ABCA1: variants seen among roughly 807,000 people sequenced by gnomAD.
The protein encoded by ABCA1 is phospholipid-transporting ATPase ABCA1.
A neutral mutation model predicts 262.5 loss-of-function variants in ABCA1; 133 were observed. The observed-to-expected ratio is 0.51, with a 90% confidence interval of 0.44 to 0.59. The LOEUF is 0.59. Ranked by LOEUF, ABCA1 falls within the 20% of genes least tolerant of loss-of-function variation. The probability of loss-of-function intolerance (pLI) is 0.00; values close to 1 mark genes in which losing one functional copy is unlikely to be tolerated. For synonymous variants in ABCA1, 1,022 were observed against 1,043.5 expected (o/e 0.98, Z 0.40); for missense variants, 2,452 against 2,777.5 (o/e 0.88, Z 2.63).
At position 104,785,296 on chromosome 9, in the gene ABCA1, C is replaced by T. The variant is rs117745266; in HGVS notation, c.6645+100G>A. The T allele has an allele frequency of 6.9e-3, 10,228 of 1,487,266 alleles. 71 individuals carry two copies. The highest frequency in any genetic ancestry group is 8.0e-3 in the Non-Finnish European group (8,618 of 1,081,004). 92.1% of individuals were successfully genotyped at this position (1,487,266 alleles called of 1,614,324 possible). On this transcript the variant is annotated intron_variant, in intron 49 of 49. Transcript: ENST00000374736. ...GAATAGTAGATCAGGAATTCAAGCACCAATTCAAGATACAAACTGCTCTTG... is the reference window on the plus strand; with the variant it reads ...GAATAGTAGATCAGGAATTCAAGCATCAATTCAAGATACAAACTGCTCTTG...
intron 3 of ABCA1, among the ~76,000 whole-genome samples, chr9:104,886,479 C>G (rs1343034544): frequency 2.6e-5 from 4 of 152,142 alleles, no homozygotes; most frequent in Admixed American, 2.6e-4. Flanking sequence ...GTTAATAGTT[C>G]AAGGAAAACC....
chr9:104,840,624 C>A (rs1475519952), intron 8 of ABCA1, 105 bp from the exon 9 acceptor site: 21 of 1,176,528 alleles, frequency 1.8e-5, no homozygotes, highest in African/African-American at 3.1e-5. Context: ...TTCTTGACCT[C>A]TCAAAAGCCA....
intron 25 of ABCA1, 138 bp from the exon 26 acceptor site, chr9:104,814,613 C>T (rs1200595232): frequency 2.2e-6 from 2 of 905,986 alleles, no homozygotes; most frequent in Non-Finnish European, 3.6e-6. Flanking sequence ...CTTAATAACA[C>T]TTTCTCAGAG....
In ABCA1 at chr9:104,782,270, T is replaced by C. The variant is rs996617630; in HGVS notation, c.*2045A>G. Reference sequence around the variant, plus strand: ...ATTGGAAATATGCCTTCATTACTTATATTTAAAATCAATATTGACTTTAAC... The same window carrying C: ...ATTGGAAATATGCCTTCATTACTTACATTTAAAATCAATATTGACTTTAAC... On this transcript the variant is annotated 3_prime_UTR_variant, in exon 50 of 50. Coordinates refer to ENST00000374736, the MANE Select transcript of ABCA1 (RefSeq NM_005502.4). 6.6e-6 allele frequency: 1 copy of C among 152,164 alleles called. No individual in the cohort carries two copies. The highest frequency in any genetic ancestry group is 1.5e-5 in the Non-Finnish European group (1 of 67,972). The allele number at this position is 152,164 out of a possible 1,614,324, so 9.4% of individuals were successfully genotyped here. A position where few individuals can be genotyped will look rare whatever the true frequency, so the allele number is the denominator to read the frequency against.
intron 34 of ABCA1, among the ~76,000 whole-genome samples, chr9:104,801,439 C>A (rs1830328083): frequency 6.6e-6 from 1 of 152,084 alleles, no homozygotes; most frequent in Non-Finnish European, 1.5e-5. Context: ...CCAGGCTGGT[C>A]TCAAACTCCT....
In ABCA1 at chr9:104,821,327, C is replaced by T. The variant is rs762402082; in HGVS notation, c.2960+48G>A. ...CCACTCCTCCCATGATGGCATGACACACACACATCCAGAAAAGGCCTATTC... is the reference window on the plus strand; with the variant it reads ...CCACTCCTCCCATGATGGCATGACATACACACATCCAGAAAAGGCCTATTC... On this transcript the variant is annotated intron_variant, in intron 20 of 49. Coordinates refer to ENST00000374736, the MANE Select transcript of ABCA1 (RefSeq NM_005502.4). 8 of 1,607,616 alleles carry T rather than the reference C, an allele frequency of 5.0e-6. No homozygotes were observed. The Admixed American group carries it at 1.3e-4, about 27-fold the overall frequency.
At position 104,858,603 on chromosome 9, in the gene ABCA1, C is replaced by G. The variant is rs1836057571; in HGVS notation, c.639G>C (p.Glu213Asp). Residue 213 changes from glutamate to aspartate, a missense_variant, in exon 7 of 50, where the codon GAG becomes GAC. Glu to Asp is a conservative substitution (Grantham distance 45). Around this residue, in one of 4 missense-constraint regions of ABCA1, gnomAD observed 1,032 missense variants for 1,089.7 expected, o/e 0.95. Coordinates refer to ENST00000374736, the MANE Select transcript of ABCA1 (RefSeq NM_005502.4). ...GTTTCTCCCTTGGTAGGCCACAAAG[C>G]TCAGAAACTTCTTGGTCACCAAGTT... Reference protein sequence around the residue: ...MIQLGDQEVSELCGLPREKLA... With the variant: ...MIQLGDQEVSDLCGLPREKLA... 6.2e-7 allele frequency: 1 copy of G among 1,614,216 alleles called. No homozygotes were observed.
rs1839472862 is a variant in ABCA1, at chr9:104,889,092, A to G, written c.160+10T>C. 2 of 1,611,696 alleles carry G rather than the reference A, an allele frequency of 1.2e-6. No individual in the cohort carries two copies. Among genetic ancestry groups the G allele is most frequent in the South Asian group, 1.1e-5 (1 of 91,034 alleles). ...TTGGTGAGTCTCAGGCAACATCCAC[A>G]GTTACTTACATTCATGTTGTTCATA... is the stretch of plus-strand genomic sequence containing the variant. On this transcript the variant is annotated intron_variant, in intron 3 of 49. Transcript: ENST00000374736.
intron 19 of ABCA1, among the ~76,000 whole-genome samples, chr9:104,822,228 G>C (rs1055373070): frequency 1.3e-5 from 2 of 152,208 alleles, no homozygotes; most frequent in African/African-American, 4.8e-5. Context: ...TTTCGTGGCT[G>C]CAGGTTCCAA....
intron 34 of ABCA1, 39 bp downstream of exon 34, chr9:104,802,015 T>C (rs1427885868): frequency 1.3e-6 from 2 of 1,581,850 alleles, no homozygotes; most frequent in Non-Finnish European, 8.7e-7. Flanking sequence ...AGCAGCTACA[T>C]GCCCATTTTT....
At chr9:104,860,969 T>C (rs1018691374) in intron 6 of ABCA1, among the ~76,000 whole-genome samples, 12 of 152,124 alleles carry the variant, frequency 7.9e-5, no homozygotes, top group African/African-American at 2.9e-4. Context: ...TTGGCCAGGA[T>C]GGTCTCGAAC....
At chr9:104,819,555 C>CATTTACTCAGAATAA in intron 22 of ABCA1, 31 bp downstream of exon 22, 1 of 1,613,826 alleles carries the variant, frequency 6.2e-7, no homozygotes, top group Non-Finnish European at 8.5e-7. Context: ...TCTCTCAGTC[C>CATTTACTCAGAATAA]ATTTACTCAG....
intron 34 of ABCA1, among the ~76,000 whole-genome samples, chr9:104,801,327 C>G (rs1486245367): frequency 6.6e-6 from 1 of 151,902 alleles, no homozygotes; most frequent in East Asian, 1.9e-4. Context: ...TCAAGTAATT[C>G]TCTCACCTCA....
intron 6 of ABCA1, 38 bp from the exon 7 acceptor site, chr9:104,858,736 G>A (rs1836068066): frequency 6.2e-7 from 1 of 1,609,672 alleles, no homozygotes; most frequent in African/African-American, 1.3e-5. Flanking sequence ...AAGCACAAGA[G>A]GATTATGAAG....
chr9:104,820,857 T>C (rs1753226496), intron 20 of ABCA1, among the ~76,000 whole-genome samples: 1 of 152,104 alleles, frequency 6.6e-6, no homozygotes, highest in African/African-American at 2.4e-5. Context: ...TGATGTCACC[T>C]CTACAGCTCA....
chr9:104,814,254 C>T, intron 26 of ABCA1, 23 bp from the exon 27 acceptor site: 1 of 1,610,222 alleles, frequency 6.2e-7, no homozygotes, highest in South Asian at 1.1e-5. Flanking sequence ...GGAAAGAATC[C>T]CATACTTTAT....
intron 49 of ABCA1, among the ~76,000 whole-genome samples, 199 bp downstream of exon 49, chr9:104,785,197 C>A (rs1039474562): frequency 3.3e-5 from 5 of 152,130 alleles, no homozygotes; most frequent in African/African-American, 1.2e-4. Flanking sequence ...TAAATTCTCA[C>A]AATAATCCTA....
intron 2 of ABCA1, among the ~76,000 whole-genome samples, chr9:104,894,706 C>G (rs1036127276): frequency 6.6e-6 from 1 of 152,198 alleles, no homozygotes; most frequent in Admixed American, 6.5e-5. Context: ...ATGCACTTTG[C>G]CTTCACTTAC....
chr9:104,899,237 C>T (rs962460977), intron 2 of ABCA1, among the ~76,000 whole-genome samples: 10 of 152,106 alleles, frequency 6.6e-5, no homozygotes, highest in Admixed American at 5.9e-4. Flanking sequence ...ACCACTGCTG[C>T]CGGCCCAGGA....
Sources: allele counts gnomAD v4.1 joint callset (sites outside exome capture counted in the v4.1 genomes callset), GRCh38; gene constraint gnomAD v4.1.1; regional missense constraint gnomAD v4.1.1; transcripts MANE v1.5; gene names NCBI Gene and HGNC (gene_info 2026-07-23, HGNC 2026-07-21).